Variants in GTPBP6 observed in about 807,000 individuals in gnomAD.
GTPBP6 encodes putative GTP-binding protein 6.
In GTPBP6, 33 loss-of-function variants were observed where a neutral mutation model predicts 28.9. The ratio of observed to expected loss-of-function variants is 1.14; its 90% CI spans 0.87 to 1.53. The LOEUF is 1.53. Ranked by LOEUF, GTPBP6 falls within the 40% of genes most tolerant of loss-of-function variation. The pLI, the probability that GTPBP6 is intolerant of heterozygous loss-of-function variation, is 0.00. For missense variants in GTPBP6, 507 were observed against 408.3 expected (o/e 1.24, Z -2.08); for synonymous variants, 231 against 192.7 (o/e 1.20, Z -1.65).
intron 1 of GTPBP6, among the ~76,000 whole-genome samples, chrX:317,545 C>G (rs1465100986): frequency 9.1e-6 from 1 of 110,162 alleles, no homozygotes; most frequent in Non-Finnish European, 1.7e-5. Context: ...TATTCATTTG[C>G]ATTTCCTCCT....
chrX:307,743 G>C, exon 8 of GTPBP6: 1 of 1,490,736 alleles, frequency 6.7e-7, no homozygotes, highest in Non-Finnish European at 8.9e-7. Context: ...CGGGCACGAG[G>C]TCCACCTTGT....
intron 2 of GTPBP6, among the ~76,000 whole-genome samples, chrX:316,430 G>A (rs1286178243): frequency 6.6e-6 from 1 of 151,946 alleles, no homozygotes; most frequent in Non-Finnish European, 1.5e-5. Context: ...ACCCCCACCT[G>A]GGCAGGTGAC....
chrX:317,796 A>AC (rs2070467830), intron 1 of GTPBP6, among the ~76,000 whole-genome samples: 3 of 123,302 alleles, frequency 2.4e-5, no homozygotes, highest in Non-Finnish European at 5.2e-5. Context: ...CCGCACTTTT[A>AC]CCCCATAGGC....
At chrX:306,942 A>C (rs1230561229) in intron 9 of GTPBP6, among the ~76,000 whole-genome samples, 2 of 145,048 alleles carry the variant, frequency 1.4e-5, no homozygotes, top group Non-Finnish European at 3.0e-5. Context: ...AGAAATGTAC[A>C]TTTTGACTGT....
chrX:312,734 G>A (rs773433158), intron 6 of GTPBP6, 32 bp downstream of exon 6: 39 of 1,587,852 alleles, frequency 2.5e-5, no homozygotes, highest in East Asian at 1.6e-4. Flanking sequence ...CACGGAGACC[G>A]CGGAAGGCCC....
chrX:311,197 C>G (rs992197776), intron 7 of GTPBP6, among the ~76,000 whole-genome samples: 6 of 137,344 alleles, frequency 4.4e-5, no homozygotes, highest in African/African-American at 1.1e-4. Context: ...GGGTGGGTGT[C>G]TGAGGGCCCG....
At chrX:307,547 C>T (rs1287912016) in intron 8 of GTPBP6, 35 bp from the exon 9 acceptor site, 5 of 1,603,144 alleles carry the variant, frequency 3.1e-6, no homozygotes, top group Admixed American at 3.4e-5. Flanking sequence ...CCCCGCTCAG[C>T]GTCGGGGCGG....
exon 7 of GTPBP6, chrX:311,447 GAGA>G (rs769029937): frequency 4.1e-6 from 6 of 1,475,510 alleles, no homozygotes; most frequent in Admixed American, 4.4e-5. Flanking sequence ...CAGGGTGGCG[GAGA>G]AGGACTCGAT....
intron 2 of GTPBP6, among the ~76,000 whole-genome samples, 152 bp from the exon 3 acceptor site, chrX:315,451 T>G (rs2070411967): frequency 2.0e-5 from 3 of 151,814 alleles, no homozygotes; most frequent in Admixed American, 2.0e-4. Flanking sequence ...ATCCAGGAAG[T>G]CAGCGTGGGA....
chrX:311,785 G>T (rs746032092), intron 6 of GTPBP6, 158 bp from the exon 7 acceptor site: 2 of 645,554 alleles, frequency 3.1e-6, no homozygotes, highest in African/African-American at 3.6e-5. Context: ...GGCCAGACCC[G>T]ACGCGTGGGA....
chrX:305,826 G>T (rs1009150921), intron 9 of GTPBP6, among the ~76,000 whole-genome samples: 2 of 151,822 alleles, frequency 1.3e-5, no homozygotes, highest in Non-Finnish European at 2.9e-5. Flanking sequence ...GGGTTTCACC[G>T]TGTTAGCCAG....
chrX:306,757 A>G (rs2070176022), intron 9 of GTPBP6, among the ~76,000 whole-genome samples: 2 of 149,892 alleles, frequency 1.3e-5, no homozygotes, highest in African/African-American at 4.9e-5. Context: ...CAGATTAGGC[A>G]CCTGTTGTAT....
intron 7 of GTPBP6, among the ~76,000 whole-genome samples, chrX:308,759 G>A (rs769901986): frequency 1.5e-3 from 193 of 131,136 alleles, no homozygotes; most frequent in Middle Eastern, 4.5e-3. Flanking sequence ...TTTTTGAGAC[G>A]AGTCTCGCTC....
rs2070417185 is a variant in GTPBP6, at chrX:315,587, GTAAA to G, written c.488-292_488-289del. Among the ~76,000 whole-genome samples the G allele has an allele frequency of 7.2e-4, 12 of 16,650 alleles. No homozygotes were observed. The South Asian group carries it at 0.021, about 29-fold the overall frequency. The allele number at this position is 16,650 out of a possible 152,430, so 10.9% of individuals were successfully genotyped here. ...ACACACACACACACACACACACACA[GTAAA>G]TACATCCCGACAGGGACAGACACAG... On this transcript the variant is annotated intron_variant, in intron 2 of 9. Coordinates refer to ENST00000326153, the Ensembl canonical transcript of GTPBP6.
At chrX:312,915 A>C (rs1477196352) in exon 6 of GTPBP6, 1 of 1,611,942 alleles carries the variant, frequency 6.2e-7, no homozygotes, top group East Asian at 2.2e-5. Context: ...CAGCTGCATG[A>C]AGGATTCTCC....
At chrX:310,832 A>G (rs1000157476) in intron 7 of GTPBP6, among the ~76,000 whole-genome samples, 6 of 151,374 alleles carry the variant, frequency 4.0e-5, no homozygotes, top group South Asian at 2.1e-4. Flanking sequence ...TTGCAGTGAC[A>G]GCCTCAGGAC....
At chrX:304,789 A>C in exon 10 of GTPBP6, 4 of 1,338,950 alleles carry the variant, frequency 3.0e-6, no homozygotes, top group Non-Finnish European at 2.9e-6. Context: ...CCTGTTACGG[A>C]AACATTCCGA....
At position 314,328 on chromosome X, in the gene GTPBP6, G is replaced by A. The variant is rs757721973; in HGVS notation, c.690-111C>T. The A allele has an allele frequency of 2.8e-4, 253 of 900,952 alleles. 1 individual carries two copies. The African/African-American group carries it at 3.0e-3, about 11-fold the overall frequency. 55.8% of individuals were successfully genotyped at this position (900,952 alleles called of 1,614,324 possible). On this transcript the variant is annotated intron_variant, in intron 4 of 9. Transcript: ENST00000326153. ...AGCTGGGCCTCTGGGCCGAAGGGAGGAGCCGCTGTTGCGGCCCCGCTCCGC... is the reference window on the plus strand; with the variant it reads ...AGCTGGGCCTCTGGGCCGAAGGGAGAAGCCGCTGTTGCGGCCCCGCTCCGC...
chrX:307,299 T>G, intron 9 of GTPBP6, 61 bp downstream of exon 9: 1 of 1,546,840 alleles, frequency 6.5e-7, no homozygotes, highest in Non-Finnish European at 8.9e-7. Context: ...AGAGCCCGTT[T>G]CAGAGCCAGA....
Sources: allele counts gnomAD v4.1 joint callset (sites outside exome capture counted in the v4.1 genomes callset), GRCh38; gene constraint gnomAD v4.1.1; transcripts MANE v1.5; gene names NCBI Gene and HGNC (gene_info 2026-07-23, HGNC 2026-07-21).